CNTN5: variants seen among roughly 807,000 people sequenced by gnomAD.
The protein encoded by CNTN5 is contactin 5.
CNTN5 carries 77 observed loss-of-function variants against 129.1 expected under a neutral mutation model. The observed-to-expected ratio is 0.60, with a 90% CI of 0.50 to 0.72. CNTN5 has a LOEUF of 0.72. CNTN5 is among the 30% of genes least tolerant of loss of function. CNTN5 has a pLI of 0.00. For missense variants in CNTN5, 1,478 were observed against 1,328.8 expected (o/e 1.11, Z -1.75); for synonymous variants, 509 against 465.6 (o/e 1.09, Z -1.20).
chr11:99,449,419 T>C (rs1004357903), intron 2 of CNTN5, among the ~76,000 whole-genome samples: 1 of 152,230 alleles, frequency 6.6e-6, no homozygotes, highest in Admixed American at 6.5e-5. Flanking sequence ...TCAAAACTTA[T>C]ATTTGTATGG....
chr11:99,315,036 A>G lies in CNTN5; in HGVS notation c.-209-10310A>G, dbSNP rs571231164. ...CTGATGTTGCTGTTCTTCAGACCAA[A>G]CTTTAAGTAGCAATTAAAGTAATTA... On this transcript the variant is annotated intron_variant, in intron 1 of 24. Coordinates refer to ENST00000524871, the MANE Select transcript of CNTN5 (RefSeq NM_014361.4). 4.0e-5 allele frequency among the ~76,000 whole-genome samples: 6 copies of G among 148,568 alleles called. No homozygotes were observed. In the South Asian group the frequency reaches 1.1e-3, roughly 27 times the overall value.
intron 6 of CNTN5, among the ~76,000 whole-genome samples, chr11:99,915,117 A>AC (rs1949754277): frequency 6.6e-6 from 1 of 152,088 alleles, no homozygotes; most frequent in African/African-American, 2.4e-5. Context: ...TATCATGGAA[A>AC]CATGATTTAC....
At chr11:100,355,131 A>G (rs1952493188) in intron 24 of CNTN5, among the ~76,000 whole-genome samples, 1 of 151,942 alleles carries the variant, frequency 6.6e-6, no homozygotes, top group East Asian at 1.9e-4. Context: ...CACTTAAAAC[A>G]TACATAATAC....
intron 4 of CNTN5, among the ~76,000 whole-genome samples, chr11:99,822,946 T>C (rs1473614157): frequency 2.6e-5 from 4 of 152,252 alleles, no homozygotes; most frequent in Non-Finnish European, 5.9e-5. Context: ...AGTCAGCTCG[T>C]GCTGAGAGCT....
intron 3 of CNTN5, among the ~76,000 whole-genome samples, chr11:99,726,622 TA>T (rs1223113177): frequency 2.0e-5 from 3 of 152,210 alleles, no homozygotes; most frequent in African/African-American, 7.2e-5. Flanking sequence ...CAACAAATCC[TA>T]AAAAATAGGA....
chr11:99,675,986 A>G (rs1395320995), intron 3 of CNTN5, among the ~76,000 whole-genome samples: 1 of 147,358 alleles, frequency 6.8e-6, no homozygotes, highest in Non-Finnish European at 1.5e-5. Flanking sequence ...GATTTTCACT[A>G]CCATCATCTC....
chr11:99,632,329 T>G (rs1951389411), intron 3 of CNTN5, among the ~76,000 whole-genome samples: 1 of 152,136 alleles, frequency 6.6e-6, no homozygotes, highest in Non-Finnish European at 1.5e-5. Flanking sequence ...CTTTATAGCT[T>G]TTCTCAACTG....
At chr11:99,096,511 A>T (rs1050796098) in intron 1 of CNTN5, among the ~76,000 whole-genome samples, 1 of 151,986 alleles carries the variant, frequency 6.6e-6, no homozygotes, top group Admixed American at 6.6e-5. Flanking sequence ...CTATGATTGC[A>T]TAGATTTCAA....
intron 4 of CNTN5, among the ~76,000 whole-genome samples, chr11:99,833,110 C>A (rs568018039): frequency 6.6e-6 from 1 of 152,156 alleles, no homozygotes; most frequent in Non-Finnish European, 1.5e-5. Context: ...AAAAAGCAAT[C>A]CTTTCTGAGA....
chr11:100,039,045 T>C (rs552641750), intron 9 of CNTN5, among the ~76,000 whole-genome samples: 2 of 152,344 alleles, frequency 1.3e-5, no homozygotes, highest in African/African-American at 2.4e-5. Context: ...CATTAGTTGA[T>C]GCAGTTTCTT....
intron 2 of CNTN5, among the ~76,000 whole-genome samples, chr11:99,381,642 T>A (rs2136160909): frequency 6.6e-6 from 1 of 152,306 alleles, no homozygotes; most frequent in East Asian, 1.9e-4. Flanking sequence ...TACTTAATTT[T>A]AATGTATGTG....
chr11:99,203,630 C>T (rs1325091419), intron 1 of CNTN5, among the ~76,000 whole-genome samples: 1 of 151,596 alleles, frequency 6.6e-6, no homozygotes, highest in Admixed American at 6.6e-5. Flanking sequence ...CACTCTGTCT[C>T]CAAGGTTGGA....
rs1015824384 is a variant in CNTN5, at chr11:99,486,269, C to T, written c.-70-69876C>T. Among the ~76,000 whole-genome samples the T allele has an allele frequency of 7.9e-5, 12 of 152,172 alleles. No individual in the cohort carries two copies. In the East Asian group the frequency reaches 1.7e-3, roughly 22 times the overall value. On this transcript the variant is annotated intron_variant, in intron 2 of 24. Transcript: ENST00000524871. ...AAACTAATTTAGATACTCTGACTTG[C>T]TGCCATGATTATATAATAATATTTC...
intron 1 of CNTN5, among the ~76,000 whole-genome samples, chr11:99,127,355 C>T (rs903710334): frequency 5.3e-5 from 8 of 152,270 alleles, no homozygotes; most frequent in Admixed American, 2.0e-4. Flanking sequence ...TCATCTGTTA[C>T]TCCATACTAT....
chr11:100,045,956 A>G (rs971026753), intron 9 of CNTN5, among the ~76,000 whole-genome samples: 5 of 152,000 alleles, frequency 3.3e-5, no homozygotes, highest in African/African-American at 9.7e-5. Flanking sequence ...AACATCTTTT[A>G]TTTTATTTTA....
intron 2 of CNTN5, among the ~76,000 whole-genome samples, chr11:99,352,360 T>C (rs1226318166): frequency 2.6e-5 from 4 of 152,198 alleles, no homozygotes; most frequent in Admixed American, 6.5e-5. Context: ...TTTGAGAGTA[T>C]TAATGCAGTT....
At chr11:99,245,944 A>G (rs1861791863) in intron 1 of CNTN5, among the ~76,000 whole-genome samples, 1 of 152,074 alleles carries the variant, frequency 6.6e-6, no homozygotes, top group African/African-American at 2.4e-5. Context: ...CAAAATCATC[A>G]CCATTGAGAA....
chr11:99,626,993 C>T (rs1032398346), intron 3 of CNTN5, among the ~76,000 whole-genome samples: 17 of 152,098 alleles, frequency 1.1e-4, no homozygotes, highest in African/African-American at 2.7e-4. Context: ...TTCAATTTTC[C>T]GTAGTTTCCT....
At chr11:99,997,909 T>A (rs1038532648) in intron 8 of CNTN5, among the ~76,000 whole-genome samples, 1 of 152,092 alleles carries the variant, frequency 6.6e-6, no homozygotes, top group Admixed American at 6.5e-5. Flanking sequence ...AAAAACCACA[T>A]GATTATCTCA....
Sources: gnomAD v4.1 joint callset for allele counts (sites outside exome capture counted in the v4.1 genomes callset) on GRCh38, gnomAD v4.1.1 for gene constraint, MANE v1.5 for transcripts, NCBI Gene and HGNC (gene_info 2026-07-23, HGNC 2026-07-21) for gene names.